MARK3: variants seen among roughly 807,000 people sequenced by gnomAD.
MARK3 encodes the protein MAP/microtubule affinity-regulating kinase 3.
Under a neutral mutation model 90.1 loss-of-function variants are expected in MARK3, and 46 were observed. That is an observed-to-expected ratio of 0.51 (90% CI 0.40 to 0.65). The LOEUF (loss-of-function observed/expected upper bound fraction) is 0.65. Ranked by LOEUF, MARK3 falls within the 30% of genes least tolerant of loss-of-function variation. The probability of loss-of-function intolerance (pLI) is 0.00; values close to 1 mark genes in which losing one functional copy is unlikely to be tolerated. For synonymous variants in MARK3, 321 were observed against 332.6 expected (o/e 0.97, Z 0.38); for missense variants, 818 against 947.2 (o/e 0.86, Z 1.79).
At chr14:103,469,404 A>ACCACTCTC (rs1224685811) in intron 12 of MARK3, 3 of 152,006 alleles carry the variant, frequency 2.0e-5, no homozygotes, top group Admixed American at 6.6e-5. Flanking sequence ...CTGGTCTTGA[A>ACCACTCTC]CTTGGGAGCT....
In MARK3 at chr14:103,492,867, G is replaced by A. The variant is rs1329545234; in HGVS notation, c.1844+833G>A. On this transcript the variant is annotated intron_variant, in intron 15 of 17. Coordinates refer to ENST00000429436, the MANE Select transcript of MARK3 (RefSeq NM_001128918.3). ...AAACAATAGTGAAAGGCACCTTTCC[G>A]AGAAGGAGCCCAGGAAACCCAAGAG... Among the ~76,000 whole-genome samples the A allele has an allele frequency of 3.3e-5, 5 of 152,192 alleles. No individual in the cohort carries two copies. The East Asian group carries it at 9.6e-4, about 29-fold the overall frequency.
At chr14:103,432,089 G>T (rs769515322) in intron 3 of MARK3, among the ~76,000 whole-genome samples, 10 of 151,738 alleles carry the variant, frequency 6.6e-5, no homozygotes, top group Non-Finnish European at 1.3e-4. Context: ...TGTATTAGCT[G>T]CTATGTAAAT....
chr14:103,482,707 A>T (rs1007170171), intron 14 of MARK3, among the ~76,000 whole-genome samples: 1 of 152,130 alleles, frequency 6.6e-6, no homozygotes, highest in African/African-American at 2.4e-5. Context: ...AGGCACATGC[A>T]TATATGCCTG....
intron 2 of MARK3, among the ~76,000 whole-genome samples, chr14:103,411,499 T>A (rs2091627852): frequency 6.6e-6 from 1 of 152,198 alleles, no homozygotes; most frequent in Non-Finnish European, 1.5e-5. Context: ...AATTCTCATA[T>A]GTGTCCTGTT....
chr14:103,441,186 ACTGT>A (rs2092843915), intron 3 of MARK3, among the ~76,000 whole-genome samples: 1 of 152,148 alleles, frequency 6.6e-6, no homozygotes, highest in African/African-American at 2.4e-5. Flanking sequence ...CTCTCTTGAT[ACTGT>A]CTCTCAGTGA....
intron 12 of MARK3, among the ~76,000 whole-genome samples, chr14:103,472,223 A>AT (rs2093639000): frequency 6.6e-6 from 1 of 151,538 alleles, no homozygotes; most frequent in African/African-American, 2.4e-5. Context: ...AAAAAAAAAA[A>AT]AAAAGATGTA....
chr14:103,460,375 C>T (rs950089732), intron 6 of MARK3, among the ~76,000 whole-genome samples: 2 of 152,018 alleles, frequency 1.3e-5, no homozygotes, highest in African/African-American at 2.4e-5. Flanking sequence ...GTGAGCCACG[C>T]GCCCGGCACA....
At chr14:103,389,962 A>C (rs935819776) in intron 1 of MARK3, among the ~76,000 whole-genome samples, 2 of 128,112 alleles carry the variant, frequency 1.6e-5, no homozygotes, top group African/African-American at 6.4e-5. Context: ...AAAAAAAAAA[A>C]AAAAGGCCGG....
intron 14 of MARK3, among the ~76,000 whole-genome samples, chr14:103,487,374 C>T (rs1312755150): frequency 6.6e-6 from 1 of 151,578 alleles, no homozygotes; most frequent in African/African-American, 2.4e-5. Flanking sequence ...ACATTTCCTT[C>T]TTAGGTCTCT....
chr14:103,453,230 C>T (rs772497766), intron 5 of MARK3, among the ~76,000 whole-genome samples: 4 of 152,180 alleles, frequency 2.6e-5, no homozygotes, highest in African/African-American at 4.8e-5. Flanking sequence ...TGCGACCACA[C>T]GTGAGTTTCA....
At chr14:103,404,496 A>C (rs1034996385) in intron 1 of MARK3, among the ~76,000 whole-genome samples, 2 of 151,890 alleles carry the variant, frequency 1.3e-5, no homozygotes, top group East Asian at 1.9e-4. Context: ...CATATTGAGT[A>C]CTTTATTAAG....
At chr14:103,458,871 TG>T in intron 6 of MARK3, 1 of 533,932 alleles carries the variant, frequency 1.9e-6, no homozygotes, top group Non-Finnish European at 3.4e-6. Context: ...AATGGTACTT[TG>T]AATTCAAATC....
intron 1 of MARK3, among the ~76,000 whole-genome samples, chr14:103,386,934 A>T (rs1038758643): frequency 4.6e-5 from 7 of 152,254 alleles, no homozygotes; most frequent in African/African-American, 1.7e-4. Context: ...TGTAGTAGAA[A>T]TTCCATTGAA....
At chr14:103,419,059 C>T (rs531486631) in intron 2 of MARK3, among the ~76,000 whole-genome samples, 12 of 151,892 alleles carry the variant, frequency 7.9e-5, no homozygotes, top group Non-Finnish European at 1.0e-4. Context: ...GAGGCTGAGG[C>T]GGGCGGATCA....
At chr14:103,457,625 T>C (rs924266286) in intron 6 of MARK3, among the ~76,000 whole-genome samples, 3 of 152,232 alleles carry the variant, frequency 2.0e-5, no homozygotes, top group Non-Finnish European at 4.4e-5. Context: ...TTAGTAACTT[T>C]ACTTCTTGCT....
At chr14:103,441,147 C>A (rs1182732538) in intron 3 of MARK3, among the ~76,000 whole-genome samples, 2 of 152,062 alleles carry the variant, frequency 1.3e-5, no homozygotes, top group East Asian at 1.9e-4. Context: ...ATATGTGGCA[C>A]ACACCTTCTA....
intron 2 of MARK3, among the ~76,000 whole-genome samples, chr14:103,425,792 C>T (rs1006418884): frequency 1.3e-5 from 2 of 152,196 alleles, no homozygotes; most frequent in African/African-American, 2.4e-5. Flanking sequence ...ACTCCTTCCC[C>T]AGTTCTGATT....
At chr14:103,480,176 C>T (rs139488755) in intron 13 of MARK3, among the ~76,000 whole-genome samples, 5 of 152,216 alleles carry the variant, frequency 3.3e-5, no homozygotes, top group African/African-American at 9.6e-5. Flanking sequence ...TTCCCAGCTA[C>T]TTGGGAGGCT....
chr14:103,422,003 A>G (rs2092240349), intron 2 of MARK3, among the ~76,000 whole-genome samples: 1 of 152,212 alleles, frequency 6.6e-6, no homozygotes, highest in African/African-American at 2.4e-5. Context: ...CAGGATGGCC[A>G]CTTTTAATCT....
Sources: allele counts gnomAD v4.1 joint callset (sites outside exome capture counted in the v4.1 genomes callset), GRCh38; gene constraint gnomAD v4.1.1; transcripts MANE v1.5; gene names NCBI Gene and HGNC (gene_info 2026-07-23, HGNC 2026-07-21).